The following FRMD4A variants were observed in gnomAD, a reference collection of about 807,000 sequenced individuals.
FRMD4A encodes the protein FERM domain-containing protein 4A.
A neutral mutation model predicts 129.1 loss-of-function variants in FRMD4A; 29 were observed. The ratio of observed to expected loss-of-function variants is 0.22; its 90% confidence interval spans 0.17 to 0.31. The LOEUF (loss-of-function observed/expected upper bound fraction) is 0.31. Among genes scored for constraint, FRMD4A ranks in the 10% least tolerant of loss-of-function variants. The pLI is 1.00. For synonymous variants in FRMD4A, 634 were observed against 571.6 expected, an observed-to-expected ratio of 1.11 and a Z score of -1.56; for missense variants, 1,272 against 1,375.8, an observed-to-expected ratio of 0.92 and a Z score of 1.19.
chr10:14,269,377 G>A (rs954655629), intron 2 of FRMD4A, among the ~76,000 whole-genome samples: 5 of 152,156 alleles, frequency 3.3e-5, no homozygotes, highest in Non-Finnish European at 5.9e-5. Flanking sequence ...TTATGGTTCT[G>A]CAGTTCAGGG....
chr10:14,202,779 T>A (rs1366980989), intron 2 of FRMD4A, among the ~76,000 whole-genome samples: 1 of 152,044 alleles, frequency 6.6e-6, no homozygotes, highest in Non-Finnish European at 1.5e-5. Context: ...CTGCTGAACA[T>A]TTTATTTTTT....
rs371192540 is a variant in FRMD4A at position 13,724,065 on chromosome 10, G to A, written c.759+13779C>T. On this transcript the variant is annotated intron_variant, in intron 12 of 24. Coordinates refer to ENST00000357447, the MANE Select transcript of FRMD4A (RefSeq NM_018027.5). ...GTGTTTTTATTGAGAGATAAAGGAAGAGCATGTTCAAAGGAACAGTGGGAG... is the reference window on the plus strand; with the variant it reads ...GTGTTTTTATTGAGAGATAAAGGAAAAGCATGTTCAAAGGAACAGTGGGAG... Among the ~76,000 whole-genome samples the A allele has an allele frequency of 5.9e-5, 9 of 152,230 alleles. No individual in the cohort carries two copies. In the East Asian group the frequency reaches 7.7e-4, roughly 13 times the overall value.
Position 13,747,824 on chromosome 10 carries a change from AAG to A in FRMD4A, c.465-7_465-6del. On this transcript the variant is annotated splice_polypyrimidine_tract_variant and splice_region_variant and intron_variant, in intron 8 of 24. Coordinates refer to ENST00000357447, the MANE Select transcript of FRMD4A (RefSeq NM_018027.5). ...TCACTCCTCACAACTTCATTGCTGA[AAG>A]AGAGAATGCCCAGAAACGCACTCAC... 1.3e-6 allele frequency: 2 copies of A among 1,548,602 alleles called. No homozygotes were observed. The highest frequency in any genetic ancestry group is 1.8e-6 in the Non-Finnish European group (2 of 1,120,270).
At chr10:13,718,417 G>A (rs2089079853) in intron 12 of FRMD4A, among the ~76,000 whole-genome samples, 1 of 152,382 alleles carries the variant, frequency 6.6e-6, no homozygotes, top group South Asian at 2.1e-4. Context: ...TGGAGGGCCT[G>A]ACTTCTCCGC....
chr10:14,089,630 C>CAA (rs59553317), intron 2 of FRMD4A, among the ~76,000 whole-genome samples: 8,826 of 130,360 alleles, frequency 0.068, 475 homozygotes, highest in East Asian at 0.23. Context: ...AAAAAAAAAA[C>CAA]AAAAAAAAAC....
intron 2 of FRMD4A, among the ~76,000 whole-genome samples, chr10:13,945,207 G>A (rs2095322925): frequency 6.6e-6 from 1 of 152,082 alleles, no homozygotes. Context: ...TCTTTGGTAG[G>A]TATGACAAAA....
chr10:14,028,762 T>C (rs1446529522), intron 2 of FRMD4A, among the ~76,000 whole-genome samples: 1 of 152,110 alleles, frequency 6.6e-6, no homozygotes, highest in Non-Finnish European at 1.5e-5. Flanking sequence ...AGGTATGTAG[T>C]ACACCTCCTG....
At chr10:13,675,193 A>T in intron 15 of FRMD4A, 149 bp from the exon 16 acceptor site, 1 of 605,780 alleles carries the variant, frequency 1.7e-6, no homozygotes, top group South Asian at 2.0e-5. Flanking sequence ...CAGCACTCTA[A>T]CTGTGAGAAG....
chr10:14,117,689 G>A (rs991211654), intron 2 of FRMD4A, among the ~76,000 whole-genome samples: 13 of 152,160 alleles, frequency 8.5e-5, no homozygotes, highest in African/African-American at 2.7e-4. Context: ...GAAGGAGAAT[G>A]GAAGTAGAGT....
At chr10:13,658,037 G>A (rs1047117148) in intron 21 of FRMD4A, among the ~76,000 whole-genome samples, 14 of 129,282 alleles carry the variant, frequency 1.1e-4, no homozygotes, top group African/African-American at 5.9e-4. Context: ...CAGCTAGTCA[G>A]GAGGTTGAAG....
chr10:13,672,787 T>G (rs2083626099), intron 16 of FRMD4A, among the ~76,000 whole-genome samples: 1 of 152,134 alleles, frequency 6.6e-6, no homozygotes, highest in Non-Finnish European at 1.5e-5. Flanking sequence ...AGGGGAGAGA[T>G]GCAGGAACAG....
intron 2 of FRMD4A, among the ~76,000 whole-genome samples, chr10:14,091,230 A>G (rs904247073): frequency 6.6e-6 from 1 of 152,066 alleles, no homozygotes; most frequent in Non-Finnish European, 1.5e-5. Flanking sequence ...AAGCAATCAG[A>G]TGTTGTGTGT....
At chr10:14,197,109 G>A in intron 2 of FRMD4A, among the ~76,000 whole-genome samples, 1 of 152,140 alleles carries the variant, frequency 6.6e-6, no homozygotes, top group East Asian at 1.9e-4. Context: ...ACCAGGGGGC[G>A]CGACAATAAG....
intron 12 of FRMD4A, among the ~76,000 whole-genome samples, chr10:13,723,700 C>T (rs1373271090): frequency 6.6e-6 from 1 of 152,150 alleles, no homozygotes; most frequent in African/African-American, 2.4e-5. Flanking sequence ...ACTGAGAGAG[C>T]ATTTTTAGAA....
intron 2 of FRMD4A, among the ~76,000 whole-genome samples, chr10:13,993,230 C>T (rs76145560): frequency 6.6e-6 from 1 of 152,142 alleles, no homozygotes; most frequent in Non-Finnish European, 1.5e-5. Context: ...TTGCCTCCTC[C>T]CCCAGCAGGG....
chr10:13,819,984 A>T (rs2093605502), intron 3 of FRMD4A, among the ~76,000 whole-genome samples: 1 of 152,152 alleles, frequency 6.6e-6, no homozygotes, highest in Non-Finnish European at 1.5e-5. Flanking sequence ...TTGGCCTCCC[A>T]AGGTCCTGGG....
chr10:13,705,881 G>C (rs1016293575), intron 13 of FRMD4A, among the ~76,000 whole-genome samples: 7 of 152,304 alleles, frequency 4.6e-5, no homozygotes, highest in African/African-American at 1.7e-4. Context: ...ATAAGCTCTT[G>C]CCCTACACAG....
chr10:13,692,140 C>CTTTTTTTTTTTTTTTT lies in FRMD4A; in HGVS notation c.1117+1742_1117+1757dup, dbSNP rs747299123. 23 of 100,484 alleles carry CTTTTTTTTTTTTTTTT rather than the reference C, an allele frequency of 2.3e-4. 11 individuals are homozygous for CTTTTTTTTTTTTTTTT. Among genetic ancestry groups the CTTTTTTTTTTTTTTTT allele is most frequent in the Admixed American group, 2.3e-4 (2 of 8,616 alleles). 6.2% of individuals were successfully genotyped at this position (100,484 alleles called of 1,614,324 possible). On this transcript the variant is annotated intron_variant, in intron 15 of 24. Transcript: ENST00000357447. ...CTTGAAGCTTATAAAATTTTAGCAG[C>CTTTTTTTTTTTTTTTT]TTTTTTTTTTTTTTTTTTTTTTTTT...
intron 2 of FRMD4A, chr10:13,971,586 C>A (rs2095518508): frequency 3.4e-6 from 3 of 877,602 alleles, no homozygotes; most frequent in South Asian, 1.4e-5. Flanking sequence ...ATAGCTCATG[C>A]CCCCTTCTCC....
Sources: allele counts gnomAD v4.1 joint callset (sites outside exome capture counted in the v4.1 genomes callset), GRCh38; gene constraint gnomAD v4.1.1; transcripts MANE v1.5; gene names NCBI Gene and HGNC (gene_info 2026-07-23, HGNC 2026-07-21).